The following TCTN1 variants were observed in gnomAD, a reference collection of about 807,000 sequenced individuals.
The protein encoded by TCTN1 is tectonic family member 1, also known as tectonic-1.
TCTN1 carries 58 observed loss-of-function variants against 65.8 expected under a neutral mutation model. That is an observed-to-expected ratio of 0.88 (90% CI 0.71 to 1.10). The LOEUF (loss-of-function observed/expected upper bound fraction) is 1.10. Among genes scored for constraint, TCTN1 ranks in the 50% least tolerant of loss-of-function variants. The pLI is 0.00. For missense variants in TCTN1, 645 were observed against 719.4 expected (o/e 0.90, Z 1.18); for synonymous variants, 273 against 289.1 (o/e 0.94, Z 0.57).
chr12:110,614,221 CCTGGGCTG>C lies in TCTN1; in HGVS notation c.46_53del (p.Cys16LeufsTer63). 6.3e-7 allele frequency: 1 copy of C among 1,585,584 alleles called. No homozygotes were observed. The highest frequency in any genetic ancestry group is 8.6e-7 in the Non-Finnish European group (1 of 1,166,818). On this transcript the variant is annotated frameshift_variant, in exon 1 of 15. Transcript: ENST00000397659. LOFTEE classifies it high-confidence loss of function. ...GTCTCCCGCCGCTCCTGGTGGTGCTCCTGGGCTGCTGGGCCTCCGTGAGCGCCCAGACC... is the reference window on the plus strand; with the variant it reads ...GTCTCCCGCCGCTCCTGGTGGTGCTCCTGGGCCTCCGTGAGCGCCCAGACC...
chr12:110,648,030 G>A, intron 14 of TCTN1, 137 bp downstream of exon 14: 2 of 1,340,724 alleles, frequency 1.5e-6, no homozygotes, highest in Non-Finnish European at 2.1e-6. Flanking sequence ...GGAGTGCAGT[G>A]GTGTGATCAT....
In TCTN1 at chr12:110,614,338, G is replaced by C. The variant is rs1194129577; in HGVS notation, c.156G>C (p.Arg52Ser). 1.2e-6 allele frequency: 2 copies of C among 1,606,512 alleles called. No individual in the cohort carries two copies. Among genetic ancestry groups the C allele is most frequent in the Non-Finnish European group, 1.7e-6 (2 of 1,177,376 alleles). Residue 52 changes from arginine (R) to serine (S), a missense_variant, in exon 1 of 15, where the codon AGG (arginine) becomes AGC (serine). Coordinates refer to ENST00000397659, the MANE Select transcript of TCTN1 (RefSeq NM_001082538.3). ...LATFGTFPSTRPPGTPRAPGP... is the reference protein window; with the variant it reads ...LATFGTFPSTSPPGTPRAPGP... ...CCTTCGGAACTTTCCCGTCGACCAG[G>C]CCCCCCGGGACTCCCAGGGCTCCAG... is the stretch of plus-strand genomic sequence containing the variant.
Position 110,614,365 on chromosome 12 carries a change from GC to G in TCTN1, c.186del (p.Ser63ProfsTer67). 6.2e-7 allele frequency: 1 copy of G among 1,605,994 alleles called. No homozygotes were observed. The highest frequency in any genetic ancestry group is 8.5e-7 in the Non-Finnish European group (1 of 1,176,966). ...RPPGTPRAPGPSSGPRPTPVT... is the reference protein window; with the variant it reads ...RPPGTPRAPGXSSGPRPTPVT... ...CCCCCGGGACTCCCAGGGCTCCAGG[GC>G]CCTCCTCCGGCCCCAGGCCTACCCC... is the stretch of plus-strand genomic sequence containing the variant. On this transcript the variant is annotated frameshift_variant, in exon 1 of 15. Coordinates refer to ENST00000397659, the MANE Select transcript of TCTN1 (RefSeq NM_001082538.3). LOFTEE classifies it high-confidence loss of function.
chr12:110,622,510 G>A (rs1323316190), intron 2 of TCTN1, among the ~76,000 whole-genome samples: 1 of 152,136 alleles, frequency 6.6e-6, no homozygotes, highest in Non-Finnish European at 1.5e-5. Context: ...GCCCCACTAA[G>A]GAATGCTCCC....
chr12:110,636,022 C>T (rs2066546792), intron 6 of TCTN1: 1 of 186,528 alleles, frequency 5.4e-6, no homozygotes, highest in Non-Finnish European at 1.1e-5. Context: ...ACTGGGGAGG[C>T]AAGAGCTTGT....
At position 110,640,978 on chromosome 12, in the gene TCTN1, G is replaced by A. The variant is rs2066912071; in HGVS notation, c.979-46G>A. The A allele has an allele frequency of 6.2e-7, 1 of 1,613,566 alleles. No homozygotes were observed. The highest frequency in any genetic ancestry group is 1.3e-5 in the African/African-American group (1 of 74,894). On this transcript the variant is annotated intron_variant, in intron 8 of 14. Transcript: ENST00000397659. This position sits in a 1 kb window ranked among gnomAD's most constrained non-coding sequence, Gnocchi z 4.9. The stretch of plus-strand genomic sequence containing the variant: ...GTTTTCAGTTATTCATACAGCTTCT[G>A]AAATGTAATGGAACAGGTATATTTG...
At chr12:110,628,343 T>A in intron 3 of TCTN1, 1 of 588,084 alleles carries the variant, frequency 1.7e-6, no homozygotes, top group Non-Finnish European at 2.4e-6. Flanking sequence ...AAAATACACT[T>A]TTTTTTTTTT....
At chr12:110,626,151 C>T (rs1009169569) in intron 2 of TCTN1, among the ~76,000 whole-genome samples, 12 of 151,264 alleles carry the variant, frequency 7.9e-5, no homozygotes, top group Admixed American at 4.0e-4. Flanking sequence ...TGCAGTGGCG[C>T]GATCTTGGCT....
At chr12:110,642,517 C>T in intron 11 of TCTN1, 128 bp downstream of exon 11, 1 of 1,323,392 alleles carries the variant, frequency 7.6e-7, no homozygotes, top group Non-Finnish European at 1.1e-6. Context: ...TATAGTATAT[C>T]ATCATGCATG....
chr12:110,621,674 G>A (rs964098670), intron 2 of TCTN1, among the ~76,000 whole-genome samples: 4 of 151,688 alleles, frequency 2.6e-5, no homozygotes, highest in Admixed American at 1.3e-4. Flanking sequence ...GGGTTTCACC[G>A]TGTTAGCCAG....
chr12:110,640,629 C>G lies in TCTN1; in HGVS notation c.978+112C>G, dbSNP rs1167127535. The G allele has an allele frequency of 2.0e-6, 3 of 1,480,670 alleles. No homozygotes were observed. The East Asian group carries it at 6.8e-5, about 34-fold the overall frequency. The allele number at this position is 1,480,670 out of a possible 1,614,324, so 91.7% of individuals were successfully genotyped here. A position where few individuals can be genotyped will look rare whatever the true frequency, so the allele number is the denominator to read the frequency against. ...CGCTCTGTCCCAGCCCATGGTGTGG[C>G]TTTTCTTGGCTCAGCTGCCTGCTTG... On this transcript the variant is annotated intron_variant, in intron 8 of 14. Transcript: ENST00000397659. This position sits in a 1 kb window ranked among gnomAD's most constrained non-coding sequence, Gnocchi z 4.9.
intron 1 of TCTN1, among the ~76,000 whole-genome samples, chr12:110,618,073 C>CT (rs1177692303): frequency 3.0e-3 from 406 of 134,900 alleles, no homozygotes; most frequent in East Asian, 3.4e-3. Flanking sequence ...GGCTTGAGAT[C>CT]TTTTTTTTTT....
Position 110,642,197 on chromosome 12 carries a change from G to C in TCTN1, c.1191-52G>C. 1.9e-6 allele frequency: 3 copies of C among 1,612,744 alleles called. No homozygotes were observed. In the East Asian group the frequency reaches 6.7e-5, roughly 36 times the overall value. On this transcript the variant is annotated intron_variant, in intron 10 of 14. Transcript: ENST00000397659. Reference sequence around the variant, plus strand: ...CACAAGTGACACTGTCTTCTTACCTGAGAACCAGGCTGCTCTAGCACTAGG... The same window carrying C: ...CACAAGTGACACTGTCTTCTTACCTCAGAACCAGGCTGCTCTAGCACTAGG...
chr12:110,628,926 TG>T lies in TCTN1; in HGVS notation c.624+9del, dbSNP rs761568976. 4 of 1,613,126 alleles carry T rather than the reference TG, an allele frequency of 2.5e-6. No homozygotes were observed. The highest frequency in any genetic ancestry group is 8.5e-7 in the Non-Finnish European group (1 of 1,179,862). On this transcript the variant is annotated intron_variant, in intron 4 of 14. Coordinates refer to ENST00000397659, the MANE Select transcript of TCTN1 (RefSeq NM_001082538.3). ...ACTGCTGCTAAATATGAGGTGAGCC[TG>T]AACTTGATTGATTCTTTTCATCCCA... is the stretch of plus-strand genomic sequence containing the variant.
chr12:110,632,766 G>A (rs769740586), intron 5 of TCTN1, among the ~76,000 whole-genome samples: 8 of 152,044 alleles, frequency 5.3e-5, no homozygotes, highest in Non-Finnish European at 1.2e-4. Context: ...GGCCTCAAAG[G>A]TCACGTAGTT....
Position 110,642,321 on chromosome 12 carries a change from C to G in TCTN1, c.1263C>G (p.Cys421Trp). The stretch of plus-strand genomic sequence containing the variant: ...TTCATAGCACAACTGAGCAAGACTG[C>G]TTAGCACTGGAGGGGGTCCGGACCC... ...TILHSTTEQDCLALEGVRTPV... is the reference protein window; with the variant it reads ...TILHSTTEQDWLALEGVRTPV... The change falls in exon 11 of 15, where the codon TGC (cysteine) becomes TGG (tryptophan). Residue 421 changes from cysteine (C) to tryptophan (W), a missense_variant. Physicochemically the swap from Cys to Trp is radical, Grantham distance 215. Transcript: ENST00000397659. 6.2e-7 allele frequency: 1 copy of G among 1,614,188 alleles called. No individual in the cohort carries two copies. Among genetic ancestry groups the G allele is most frequent in the South Asian group, 1.1e-5 (1 of 91,090 alleles).
At position 110,647,834 on chromosome 12, in the gene TCTN1, G is replaced by A; in HGVS notation, c.1721G>A (p.Arg574Lys). 2 of 1,614,208 alleles carry A rather than the reference G, an allele frequency of 1.2e-6. No individual in the cohort carries two copies. The highest frequency in any genetic ancestry group is 1.7e-6 in the Non-Finnish European group (2 of 1,180,042). Reference sequence around the variant, plus strand: ...TCTGCACCTGCAGAGGCAGGCTTCAGAGCTCCACCAGCCATCAATGCCAGG... The same window carrying A: ...TCTGCACCTGCAGAGGCAGGCTTCAAAGCTCCACCAGCCATCAATGCCAGG... ...DVSAPAEAGF[R>K]APPAINARLP... Residue 574 changes from arginine (R) to lysine (K), a missense_variant, in exon 14 of 15, where the codon AGA becomes AAA. Coordinates refer to ENST00000397659, the MANE Select transcript of TCTN1 (RefSeq NM_001082538.3).
At chr12:110,628,402 G>A (rs903282259) in intron 3 of TCTN1, among the ~76,000 whole-genome samples, 4 of 150,136 alleles carry the variant, frequency 2.7e-5, no homozygotes, top group Admixed American at 1.3e-4. Flanking sequence ...GTGCAGTGGC[G>A]CTATCTCAGC....
chr12:110,626,726 C>A (rs560164869), intron 3 of TCTN1, among the ~76,000 whole-genome samples: 5 of 150,402 alleles, frequency 3.3e-5, no homozygotes, highest in African/African-American at 1.2e-4. Context: ...ATTACAGGTG[C>A]CTGCCACCAT....
Sources: gnomAD v4.1 joint callset for allele counts (sites outside exome capture counted in the v4.1 genomes callset) on GRCh38, gnomAD v4.1.1 for gene constraint, Gnocchi (gnomAD v3.1) non-coding constraint, MANE v1.5 for transcripts, NCBI Gene and HGNC (gene_info 2026-07-23, HGNC 2026-07-21) for gene names.